The following MDGA2 variants were observed in gnomAD, a reference collection of about 807,000 sequenced individuals.
MDGA2 encodes the protein MAM domain containing glycosylphosphatidylinositol anchor 2, also known as MAM domain-containing glycosylphosphatidylinositol anchor protein 2.
A neutral mutation model predicts 117.8 loss-of-function variants in MDGA2; 40 were observed. The observed-to-expected ratio is 0.34, with a 90% CI of 0.26 to 0.44. The LOEUF is 0.44. Ranked by LOEUF, MDGA2 falls within the 20% of genes least tolerant of loss-of-function variation. The pLI is 1.00. For missense variants in MDGA2, 1,123 were observed against 1,250.6 expected (o/e 0.90, Z 1.54); for synonymous variants, 452 against 439.0 (o/e 1.03, Z -0.37).
intron 1 of MDGA2, among the ~76,000 whole-genome samples, chr14:47,305,476 G>A (rs908136238): frequency 4.6e-5 from 7 of 152,276 alleles, no homozygotes; most frequent in Admixed American, 3.3e-4. Context: ...TTGGCTTTGG[G>A]TTGAAGAGGT....
chr14:47,640,053 C>G (rs567360068), intron 1 of MDGA2, among the ~76,000 whole-genome samples: 1 of 152,244 alleles, frequency 6.6e-6, no homozygotes, highest in Middle Eastern at 3.4e-3. Context: ...GCCTTTGTTT[C>G]CAGAACTATA....
chr14:47,612,074 T>C (rs922189541), intron 1 of MDGA2, among the ~76,000 whole-genome samples: 4 of 152,174 alleles, frequency 2.6e-5, no homozygotes, highest in Non-Finnish European at 4.4e-5. Context: ...CCGGCTATCT[T>C]ATCTGGCAAT....
At chr14:47,201,092 G>C (rs757159386) in intron 3 of MDGA2, 15 of 894,170 alleles carry the variant, frequency 1.7e-5, no homozygotes, top group Non-Finnish European at 2.9e-5. Context: ...ACCAAGACCT[G>C]CACCTCCGCC....
intron 1 of MDGA2, among the ~76,000 whole-genome samples, chr14:47,553,396 G>A (rs145235359): frequency 2.0e-5 from 3 of 152,194 alleles, no homozygotes; most frequent in East Asian, 3.9e-4. Flanking sequence ...ACTCCTTCTA[G>A]GCATTCAACA....
chr14:46,898,128 A>C (rs1012485510), intron 10 of MDGA2, among the ~76,000 whole-genome samples: 2 of 152,080 alleles, frequency 1.3e-5, no homozygotes, highest in African/African-American at 4.8e-5. Flanking sequence ...TTTCCAAAAC[A>C]TATGACATAA....
At position 47,666,924 on chromosome 14, in the gene MDGA2, G is replaced by A. The variant is rs191012394; in HGVS notation, c.280+7593C>T. On this transcript the variant is annotated intron_variant, in intron 1 of 16. Transcript: ENST00000399232. ...CTTAAGAGCTGTTAACACTCACTGC[G>A]AAGGTCTGCAGCTTCACTCCTGAGC... is the stretch of plus-strand genomic sequence containing the variant. Among the ~76,000 whole-genome samples the A allele has an allele frequency of 3.1e-3, 474 of 152,100 alleles. 1 individual carries two copies. Among genetic ancestry groups the A allele is most frequent in the African/African-American group, 0.011 (445 of 41,484 alleles).
At chr14:47,663,064 G>A (rs559526613) in intron 1 of MDGA2, among the ~76,000 whole-genome samples, 1 of 152,300 alleles carries the variant, frequency 6.6e-6, no homozygotes, top group South Asian at 2.1e-4. Flanking sequence ...ATGAGAGAGA[G>A]TCACAATAAT....
chr14:47,606,650 T>C (rs1055972707), intron 1 of MDGA2, among the ~76,000 whole-genome samples: 1 of 152,042 alleles, frequency 6.6e-6, no homozygotes, highest in Non-Finnish European at 1.5e-5. Context: ...CCATATTACT[T>C]TGAAAATGCA....
chr14:47,408,978 T>G (rs894152981), intron 1 of MDGA2, among the ~76,000 whole-genome samples: 1 of 152,136 alleles, frequency 6.6e-6, no homozygotes, highest in Non-Finnish European at 1.5e-5. Context: ...GAGGAAAGAC[T>G]CCAAGGCAGA....
intron 1 of MDGA2, among the ~76,000 whole-genome samples, chr14:47,437,667 T>A (rs1372228991): frequency 6.6e-6 from 1 of 152,116 alleles, no homozygotes; most frequent in Non-Finnish European, 1.5e-5. Flanking sequence ...AGCCTTCAAA[T>A]GTGATCAGGG....
At chr14:47,243,017 T>A (rs1594749008) in intron 2 of MDGA2, among the ~76,000 whole-genome samples, 1 of 151,920 alleles carries the variant, frequency 6.6e-6, no homozygotes, top group East Asian at 1.9e-4. Flanking sequence ...GTCGACACTC[T>A]GTATCTAGCT....
intron 7 of MDGA2, among the ~76,000 whole-genome samples, chr14:47,044,543 A>G (rs567657941): frequency 6.6e-6 from 1 of 152,186 alleles, no homozygotes; most frequent in Non-Finnish European, 1.5e-5. Context: ...ATTTATAAAT[A>G]TGTCTTCACA....
At chr14:47,520,103 T>C (rs1325415202) in intron 1 of MDGA2, among the ~76,000 whole-genome samples, 1 of 152,200 alleles carries the variant, frequency 6.6e-6, no homozygotes, top group East Asian at 1.9e-4. Flanking sequence ...TCTCAGATAT[T>C]ATGAAGTGCA....
At position 47,488,784 on chromosome 14, in the gene MDGA2, A is replaced by C. The variant is rs368895766; in HGVS notation, c.280+185733T>G. Among the ~76,000 whole-genome samples, 28 of 152,086 alleles carry C rather than the reference A, an allele frequency of 1.8e-4. No individual in the cohort carries two copies. In the South Asian group the frequency reaches 5.4e-3, roughly 29 times the overall value. The stretch of plus-strand genomic sequence containing the variant: ...GGAATCAAGGATGATAATTCATAAC[A>C]CTCTGCACAACAGAGGTTCACTAGA... On this transcript the variant is annotated intron_variant, in intron 1 of 16. Coordinates refer to ENST00000399232, the MANE Select transcript of MDGA2 (RefSeq NM_001113498.3).
chr14:47,258,268 A>G (rs1466886448), intron 2 of MDGA2, among the ~76,000 whole-genome samples: 1 of 152,168 alleles, frequency 6.6e-6, no homozygotes, highest in Non-Finnish European at 1.5e-5. Context: ...TAAAGAAAAG[A>G]GGTTTAATTG....
At chr14:47,651,727 C>T (rs1037711094) in intron 1 of MDGA2, among the ~76,000 whole-genome samples, 10 of 152,014 alleles carry the variant, frequency 6.6e-5, no homozygotes, top group Non-Finnish European at 1.3e-4. Context: ...GAAGGGATAA[C>T]GGTGGTGGCA....
chr14:47,102,540 A>T (rs907216948), intron 5 of MDGA2, among the ~76,000 whole-genome samples: 4 of 152,102 alleles, frequency 2.6e-5, no homozygotes, highest in African/African-American at 7.2e-5. Flanking sequence ...CACAGGAAAC[A>T]TATTGAAGAA....
rs370158665 is a variant in MDGA2 at position 46,887,999 on chromosome 14, T to C, written c.2239-5778A>G. Reference sequence around the variant, plus strand: ...CAAAGGGACACTGCAGGTATCCTCTTGTTATAATGAGTGTTCTACTCAAGT... The same window carrying C: ...CAAAGGGACACTGCAGGTATCCTCTCGTTATAATGAGTGTTCTACTCAAGT... On this transcript the variant is annotated intron_variant, in intron 10 of 16. Coordinates refer to ENST00000399232, the MANE Select transcript of MDGA2 (RefSeq NM_001113498.3). Among the ~76,000 whole-genome samples, 9 of 152,034 alleles carry C rather than the reference T, an allele frequency of 5.9e-5. No homozygotes were observed. The South Asian group carries it at 1.9e-3, about 32-fold the overall frequency.
intron 8 of MDGA2, among the ~76,000 whole-genome samples, chr14:46,985,106 G>C (rs941005712): frequency 2.0e-5 from 3 of 152,044 alleles, no homozygotes; most frequent in Non-Finnish European, 4.4e-5. Context: ...CAAGCTGATA[G>C]CTTCAGTTAC....
Sources: gnomAD v4.1 joint callset for allele counts (sites outside exome capture counted in the v4.1 genomes callset) on GRCh38, gnomAD v4.1.1 for gene constraint, MANE v1.5 for transcripts, NCBI Gene and HGNC (gene_info 2026-07-23, HGNC 2026-07-21) for gene names.